LOC128462377: variants seen among roughly 807,000 people sequenced by gnomAD.
chr16:89,328,287 C>T, the LOC128462377 span, among the ~76,000 whole-genome samples: 1 of 152,198 alleles, frequency 6.6e-6, no homozygotes, highest in East Asian at 1.9e-4. Context: ...AACAGCAAGG[C>T]AGCCTTACGA....
chr16:89,344,979 AACACAGC>A, the LOC128462377 span, among the ~76,000 whole-genome samples: 3 of 152,214 alleles, frequency 2.0e-5, no homozygotes, highest in Non-Finnish European at 4.4e-5. Flanking sequence ...AAAAAGCACA[AACACAGC>A]ACACAGCAGA....
chr16:89,332,173 C>T, the LOC128462377 span, among the ~76,000 whole-genome samples: 1 of 152,050 alleles, frequency 6.6e-6, no homozygotes, highest in Non-Finnish European at 1.5e-5. Flanking sequence ...CCAGAAGCTG[C>T]AGAATGTGTC....
chr16:89,415,056 C>T, the LOC128462377 span, among the ~76,000 whole-genome samples: 1 of 151,218 alleles, frequency 6.6e-6, no homozygotes, highest in Non-Finnish European at 1.5e-5. Context: ...GTGATCCTTC[C>T]TCCCCGCTCA....
the LOC128462377 span, among the ~76,000 whole-genome samples, chr16:89,330,720 C>T: frequency 2.1e-5 from 3 of 141,082 alleles, no homozygotes; most frequent in East Asian, 2.2e-4. Flanking sequence ...GGAAGTCCCA[C>T]GGCTTCACTT....
At chr16:89,329,532 G>A in the LOC128462377 span, among the ~76,000 whole-genome samples, 4 of 152,186 alleles carry the variant, frequency 2.6e-5, no homozygotes, top group Non-Finnish European at 5.9e-5. Flanking sequence ...AATTTAAAAT[G>A]AGTGAATTTT....
the LOC128462377 span, among the ~76,000 whole-genome samples, chr16:89,385,171 C>T: frequency 1.3e-5 from 2 of 151,090 alleles, no homozygotes; most frequent in Non-Finnish European, 2.9e-5. Context: ...CCACTGTACC[C>T]GGCCTTGAGA....
the LOC128462377 span, among the ~76,000 whole-genome samples, chr16:89,331,698 A>G: frequency 6.6e-6 from 1 of 152,130 alleles, no homozygotes. Context: ...ACAGCTCCCT[A>G]CAGCCTCGAA....
the LOC128462377 span, among the ~76,000 whole-genome samples, chr16:89,334,658 C>A: frequency 8.5e-5 from 13 of 152,218 alleles, no homozygotes; most frequent in South Asian, 1.9e-3. Context: ...CCATGAGGGG[C>A]CACATCCACG....
chr16:89,320,748 C>T, the LOC128462377 span, among the ~76,000 whole-genome samples: 7 of 152,256 alleles, frequency 4.6e-5, no homozygotes, highest in African/African-American at 1.7e-4. Context: ...AGACACAACT[C>T]AGCCCAGCGG....
the LOC128462377 span, among the ~76,000 whole-genome samples, chr16:89,353,859 C>A: frequency 1.3e-5 from 2 of 152,218 alleles, no homozygotes; most frequent in Non-Finnish European, 2.9e-5. Flanking sequence ...AGCCCTGAGA[C>A]ACCCGAAACA....
the LOC128462377 span, among the ~76,000 whole-genome samples, chr16:89,330,527 G>C: frequency 6.6e-6 from 1 of 152,084 alleles, no homozygotes; most frequent in African/African-American, 2.4e-5. Context: ...GTGGCAGCGG[G>C]TTTCCACAGT....
the LOC128462377 span, among the ~76,000 whole-genome samples, chr16:89,368,405 T>G: frequency 3.9e-5 from 4 of 102,620 alleles, no homozygotes; most frequent in South Asian, 3.3e-4. Context: ...TTTTTTTTAG[T>G]AGAGATGGGG....
chr16:89,342,420 A>G, the LOC128462377 span, among the ~76,000 whole-genome samples: 4 of 152,232 alleles, frequency 2.6e-5, no homozygotes, highest in African/African-American at 9.6e-5. Context: ...TCCAGGATAA[A>G]CCAGCAATAC....
the LOC128462377 span, among the ~76,000 whole-genome samples, chr16:89,409,275 C>T: frequency 1.3e-5 from 2 of 152,194 alleles, no homozygotes; most frequent in Admixed American, 6.5e-5. Flanking sequence ...TAGAATAAAT[C>T]ACTAGGCTAC....
chr16:89,380,759 G>A, the LOC128462377 span, among the ~76,000 whole-genome samples: 1,105 of 152,364 alleles, frequency 7.3e-3, 12 homozygotes, highest in African/African-American at 0.025. Context: ...TGGAGGCCTC[G>A]TGGGGCATCT....
At chr16:89,375,316 C>CGGTA in the LOC128462377 span, among the ~76,000 whole-genome samples, 2 of 152,188 alleles carry the variant, frequency 1.3e-5, no homozygotes, top group African/African-American at 4.8e-5. Context: ...AAGCTAGTTG[C>CGGTA]GGTAGCATGG....
chr16:89,371,636 C>A, the LOC128462377 span, among the ~76,000 whole-genome samples: 1 of 152,132 alleles, frequency 6.6e-6, no homozygotes, highest in African/African-American at 2.4e-5. Flanking sequence ...ATGACGACAC[C>A]CAAGGAGGGG....
At chr16:89,407,852 C>CAAAAAAAAA in the LOC128462377 span, among the ~76,000 whole-genome samples, 3 of 111,426 alleles carry the variant, frequency 2.7e-5, no homozygotes, top group Admixed American at 1.0e-4. Context: ...TGTCTCCCTC[C>CAAAAAAAAA]AAAAAAAAAA....
At chr16:89,389,144 G>A in the LOC128462377 span, among the ~76,000 whole-genome samples, 2 of 152,036 alleles carry the variant, frequency 1.3e-5, no homozygotes, top group African/African-American at 2.4e-5. Flanking sequence ...TCAGCCTTCT[G>A]AGTGGCTGGG....
Sources: allele counts gnomAD v4.1 joint callset (sites outside exome capture counted in the v4.1 genomes callset), GRCh38; gene constraint gnomAD v4.1.1; transcripts MANE v1.5.